AGBL4: variants seen among roughly 807,000 people sequenced by gnomAD.
AGBL4 encodes the protein AGBL carboxypeptidase 4.
AGBL4 carries 58 observed loss-of-function variants against 66.4 expected under a neutral mutation model. That is an observed-to-expected ratio of 0.87 (90% CI 0.71 to 1.09). The LOEUF (loss-of-function observed/expected upper bound fraction) is 1.09. Among genes scored for constraint, AGBL4 ranks in the 50% least tolerant of loss-of-function variants. AGBL4 has a pLI of 0.00. For missense variants in AGBL4, 579 were observed against 631.0 expected, an observed-to-expected ratio of 0.92 and a Z score of 0.88; for synonymous variants, 234 against 222.9, an observed-to-expected ratio of 1.05 and a Z score of -0.44.
At chr1:49,165,292 T>C (rs1646613736) in intron 4 of AGBL4, among the ~76,000 whole-genome samples, 1 of 152,052 alleles carries the variant, frequency 6.6e-6, no homozygotes, top group East Asian at 1.9e-4. Context: ...TAGAAAGTCA[T>C]AAAGAAAATA....
At chr1:48,615,460 A>T (rs970914811) in intron 9 of AGBL4, among the ~76,000 whole-genome samples, 2 of 152,216 alleles carry the variant, frequency 1.3e-5, no homozygotes, top group Admixed American at 6.5e-5. Flanking sequence ...GAAACACCAG[A>T]TTGAAACTTG....
At chr1:49,162,902 T>C (rs1370645808) in intron 4 of AGBL4, among the ~76,000 whole-genome samples, 2 of 152,238 alleles carry the variant, frequency 1.3e-5, no homozygotes, top group Non-Finnish European at 2.9e-5. Context: ...TTTGTTGTTT[T>C]GCTTGATACC....
At chr1:49,329,974 C>A (rs2148489333) in intron 3 of AGBL4, among the ~76,000 whole-genome samples, 1 of 152,186 alleles carries the variant, frequency 6.6e-6, no homozygotes, top group Middle Eastern at 3.4e-3. Context: ...CCATGCTTGT[C>A]AACAAAGAGG....
intron 6 of AGBL4, among the ~76,000 whole-genome samples, chr1:48,692,752 C>T (rs2148494669): frequency 6.6e-6 from 1 of 152,278 alleles, no homozygotes; most frequent in East Asian, 1.9e-4. Context: ...CAGTTGTAGG[C>T]TAGTGACCAC....
chr1:49,777,549 T>C (rs1644229824), intron 2 of AGBL4, among the ~76,000 whole-genome samples: 2 of 152,172 alleles, frequency 1.3e-5, no homozygotes, highest in African/African-American at 4.8e-5. Context: ...GAAGAGCAGT[T>C]TTTAATTATG....
chr1:49,722,532 A>G (rs1299995890), intron 2 of AGBL4, among the ~76,000 whole-genome samples: 1 of 152,168 alleles, frequency 6.6e-6, no homozygotes, highest in African/African-American at 2.4e-5. Flanking sequence ...ATGAATAATT[A>G]ATGTTTTATA....
intron 3 of AGBL4, among the ~76,000 whole-genome samples, chr1:49,649,585 A>G (rs1645961080): frequency 6.6e-6 from 1 of 152,158 alleles, no homozygotes; most frequent in Non-Finnish European, 1.5e-5. Context: ...CAATACGGAT[A>G]TAGTTTTTAG....
chr1:48,622,493 T>C (rs1417950868), intron 9 of AGBL4, among the ~76,000 whole-genome samples: 1 of 145,472 alleles, frequency 6.9e-6, no homozygotes, highest in Non-Finnish European at 1.5e-5. Flanking sequence ...TTTTTTTTTT[T>C]TTTTTTTGGA....
chr1:49,395,006 C>T (rs189268386), intron 3 of AGBL4, among the ~76,000 whole-genome samples: 1 of 152,170 alleles, frequency 6.6e-6, no homozygotes. Context: ...TGCCCCTGTT[C>T]TAGAAGGATA....
chr1:49,123,121 A>G (rs1004160385), intron 4 of AGBL4, among the ~76,000 whole-genome samples: 2 of 152,122 alleles, frequency 1.3e-5, no homozygotes, highest in African/African-American at 4.8e-5. Context: ...CCAAAGCGCT[A>G]GGATTACAGG....
At chr1:49,467,057 G>A (rs1557967726) in intron 3 of AGBL4, among the ~76,000 whole-genome samples, 1 of 151,846 alleles carries the variant, frequency 6.6e-6, no homozygotes, top group African/African-American at 2.4e-5. Context: ...AAAAAGGGAT[G>A]TGCTAGGGTG....
At chr1:48,561,198 T>C (rs914048978) in intron 11 of AGBL4, among the ~76,000 whole-genome samples, 2 of 152,250 alleles carry the variant, frequency 1.3e-5, no homozygotes, top group Non-Finnish European at 2.9e-5. Flanking sequence ...TGTAATATTA[T>C]AGCTTTTTTT....
intron 3 of AGBL4, among the ~76,000 whole-genome samples, chr1:49,682,135 C>A (rs571526167): frequency 6.6e-6 from 1 of 152,060 alleles, no homozygotes. Context: ...AGGTGGGGCA[C>A]GGTGGCTCAT....
At chr1:48,598,748 T>G (rs1474786416) in intron 9 of AGBL4, among the ~76,000 whole-genome samples, 2 of 151,996 alleles carry the variant, frequency 1.3e-5, no homozygotes, top group African/African-American at 2.4e-5. Context: ...CTCACTGGGA[T>G]TACAGGTGTC....
At chr1:48,679,781 C>A (rs1646424788) in intron 6 of AGBL4, among the ~76,000 whole-genome samples, 1 of 152,236 alleles carries the variant, frequency 6.6e-6, no homozygotes, top group South Asian at 2.1e-4. Flanking sequence ...ACAGGTCATG[C>A]AGTCAGCAAT....
intron 4 of AGBL4, among the ~76,000 whole-genome samples, chr1:49,173,279 TC>T (rs1395353159): frequency 7.9e-5 from 12 of 152,204 alleles, no homozygotes; most frequent in African/African-American, 2.9e-4. Flanking sequence ...TTCATTTAAC[TC>T]AAAAAATAAT....
chr1:49,676,589 T>A (rs1220141115), intron 3 of AGBL4, among the ~76,000 whole-genome samples: 1 of 152,130 alleles, frequency 6.6e-6, no homozygotes, highest in African/African-American at 2.4e-5. Context: ...TTGCTTGTTC[T>A]TAGTAAATTC....
intron 4 of AGBL4, among the ~76,000 whole-genome samples, chr1:49,170,759 T>C (rs930246864): frequency 4.6e-5 from 7 of 151,854 alleles, no homozygotes; most frequent in African/African-American, 1.7e-4. Flanking sequence ...AAACCTTAAA[T>C]AGTTGATTCT....
chr1:49,472,827 C>T lies in AGBL4; in HGVS notation c.282+224486G>A, dbSNP rs140844427. On this transcript the variant is annotated intron_variant, in intron 3 of 13. Coordinates refer to ENST00000371839, the MANE Select transcript of AGBL4 (RefSeq NM_032785.4). ...AGCCAATGCCTCACGCCTTTCCTCC[C>T]TCCTTCTGGAATCCCCAGTGTTTAT... 1.6e-3 allele frequency among the ~76,000 whole-genome samples: 246 copies of T among 152,056 alleles called. 1 individual carries two copies. Among genetic ancestry groups the T allele is most frequent in the Non-Finnish European group, 2.4e-3 (166 of 67,940 alleles).
Sources: gnomAD v4.1 joint callset for allele counts (sites outside exome capture counted in the v4.1 genomes callset) on GRCh38, gnomAD v4.1.1 for gene constraint, MANE v1.5 for transcripts, NCBI Gene and HGNC (gene_info 2026-07-23, HGNC 2026-07-21) for gene names.